ACSBG2: variants seen among roughly 807,000 people sequenced by gnomAD.
ACSBG2 encodes long-chain-fatty-acid--CoA ligase ACSBG2.
In ACSBG2, 62 loss-of-function variants were observed where a neutral mutation model predicts 74.7. The observed-to-expected ratio is 0.83, with a 90% confidence interval of 0.68 to 1.03. The LOEUF (loss-of-function observed/expected upper bound fraction) is 1.03, where lower values mean the gene tolerates loss of function less well. Ranked by LOEUF, ACSBG2 falls within the 50% of genes least tolerant of loss-of-function variation. ACSBG2 has a pLI of 0.00. For missense variants in ACSBG2, 730 were observed against 817.6 expected (o/e 0.89, Z 1.31); for synonymous variants, 309 against 294.1 (o/e 1.05, Z -0.52).
chr19:6,149,756 C>T (rs1361411745), intron 3 of ACSBG2, among the ~76,000 whole-genome samples: 1 of 151,998 alleles, frequency 6.6e-6, no homozygotes, highest in African/African-American at 2.4e-5. Flanking sequence ...GATCCACGTG[C>T]CTTGGCCTCC....
chr19:6,136,105 T>A (rs1464594094), intron 1 of ACSBG2, among the ~76,000 whole-genome samples, 196 bp downstream of exon 1: 7 of 144,054 alleles, frequency 4.9e-5, no homozygotes, highest in Non-Finnish European at 1.1e-4. Context: ...CATGTCCAGC[T>A]AATTTTTTTT....
chr19:6,162,870 G>C (rs1044139779), intron 6 of ACSBG2, among the ~76,000 whole-genome samples: 19 of 151,826 alleles, frequency 1.3e-4, no homozygotes, highest in South Asian at 4.1e-4. Flanking sequence ...ATACCCTGGT[G>C]GGGGGAGGGT....
intron 2 of ACSBG2, among the ~76,000 whole-genome samples, chr19:6,145,429 CA>C (rs34273390): frequency 0.7 from 88,615 of 127,280 alleles, 29,365 homozygotes; most frequent in Admixed American, 0.74. Context: ...GACTCCATCT[CA>C]AAAAAAAAAA....
rs755217926 is a variant in ACSBG2 at position 6,156,390 on chromosome 19, G to A, written c.387-41G>A. 6 of 1,554,878 alleles carry A rather than the reference G, an allele frequency of 3.9e-6. No individual in the cohort carries two copies. In the African/African-American group the frequency reaches 8.4e-5, roughly 22 times the overall value. ...CCTTCCAGACCATTCTGCCTTTAAG[G>A]TGTGTGTGGATGCACACACGAATTT... On this transcript the variant is annotated intron_variant, in intron 4 of 14. Transcript: ENST00000588485.
Position 6,147,556 on chromosome 19 carries a change from T to G in ACSBG2, c.178T>G (p.Ser60Ala), listed in dbSNP as rs1214479318. Residue 60 changes from serine (S) to alanine (A), a missense_variant, in exon 3 of 15, where the codon TCA becomes GCA. By Grantham distance (99) the Ser-to-Ala change is moderately conservative (BLOSUM62 1). Transcript: ENST00000588485. Reference sequence around the variant, plus strand: ...GACCATCCCTGAATTTTTTCGAGAGTCAGTCAACCGATTTGGAACTTATCC... The same window carrying G: ...GACCATCCCTGAATTTTTTCGAGAGGCAGTCAACCGATTTGGAACTTATCC... ...PMTIPEFFRE[S>A]VNRFGTYPAL... 1.9e-6 allele frequency: 3 copies of G among 1,613,808 alleles called. No individual in the cohort carries two copies. Among genetic ancestry groups the G allele is most frequent in the Non-Finnish European group, 2.5e-6 (3 of 1,180,002 alleles).
intron 3 of ACSBG2, among the ~76,000 whole-genome samples, chr19:6,149,943 A>AT (rs968458907): frequency 1.3e-5 from 2 of 151,308 alleles, no homozygotes; most frequent in South Asian, 2.1e-4. Context: ...CACGCCTGTA[A>AT]TTTTTTTTAA....
chr19:6,145,435 A>G (rs2088995378), intron 2 of ACSBG2, among the ~76,000 whole-genome samples: 1 of 151,802 alleles, frequency 6.6e-6, no homozygotes, highest in Non-Finnish European at 1.5e-5. Context: ...ATCTCAAAAA[A>G]AAAAAAAAAA....
intron 6 of ACSBG2, among the ~76,000 whole-genome samples, chr19:6,163,121 AAATAATAATAATAATAATAATAAT>A (rs71917482): frequency 8.1e-6 from 1 of 122,848 alleles, no homozygotes; most frequent in African/African-American, 2.9e-5. Context: ...CTAAAAATAC[AAATAATAATAATAATAATAATAAT>A]AATAATAATA....
chr19:6,180,307 A>G lies in ACSBG2; in HGVS notation c.907-2444A>G, dbSNP rs2090211686. On this transcript the variant is annotated intron_variant, in intron 8 of 14. Transcript: ENST00000588485. The surrounding 1 kb of genome is among the most constrained non-coding windows in gnomAD (Gnocchi z 4.3). Reference sequence around the variant, plus strand: ...TATTTTGCCTCCCACACTCTCCATCAAGCAGGCTAAATCTTAGGGCCTTTG... The same window carrying G: ...TATTTTGCCTCCCACACTCTCCATCGAGCAGGCTAAATCTTAGGGCCTTTG... 6.6e-6 allele frequency among the ~76,000 whole-genome samples: 1 copy of G among 152,128 alleles called. No homozygotes were observed. The highest frequency in any genetic ancestry group is 2.4e-5 in the African/African-American group (1 of 41,438).
In ACSBG2 at chr19:6,154,019, T is replaced by C. The variant is rs193082514; in HGVS notation, c.386+2224T>C. On this transcript the variant is annotated intron_variant, in intron 4 of 14. Transcript: ENST00000588485. ...TATTAACATTAGTTATATCTCATCA[T>C]CGAGACTAACACCACCCTAATATGT... Among the ~76,000 whole-genome samples the C allele has an allele frequency of 3.1e-3, 475 of 152,194 alleles. 4 individuals are homozygous for C. Among genetic ancestry groups the C allele is most frequent in the Non-Finnish European group, 4.6e-3 (313 of 68,022 alleles).
At chr19:6,186,300 G>C (rs1051080879) in intron 11 of ACSBG2, among the ~76,000 whole-genome samples, 1 of 152,322 alleles carries the variant, frequency 6.6e-6, no homozygotes, top group East Asian at 1.9e-4. Flanking sequence ...CACAAAAACA[G>C]CTGTTGACAA....
At chr19:6,164,632 C>T (rs1370630881) in intron 6 of ACSBG2, among the ~76,000 whole-genome samples, 2 of 152,134 alleles carry the variant, frequency 1.3e-5, no homozygotes, top group African/African-American at 4.8e-5. Flanking sequence ...GGGGTTTCAC[C>T]ATGCTGGCCA....
rs559984490 is a variant in ACSBG2 at position 6,158,522 on chromosome 19, G to A, written c.507+1971G>A. ...TTCCTACATGTTTGAATGAGCTGCA[G>A]TTTGCTGTATCAGCTTTTGGCAGGA... On this transcript the variant is annotated intron_variant, in intron 5 of 14. Transcript: ENST00000588485. Among the ~76,000 whole-genome samples, 14 of 151,106 alleles carry A rather than the reference G, an allele frequency of 9.3e-5. No homozygotes were observed. The South Asian group carries it at 2.7e-3, about 29-fold the overall frequency.
chr19:6,169,007 G>A (rs200748924), intron 7 of ACSBG2, among the ~76,000 whole-genome samples: 1 of 152,246 alleles, frequency 6.6e-6, no homozygotes, highest in South Asian at 2.1e-4. Context: ...TCGAACTCCT[G>A]ACTTCAAGTG....
intron 14 of ACSBG2, chr19:6,191,244 T>G (rs1296535684): frequency 6.6e-6 from 1 of 152,110 alleles, no homozygotes; most frequent in African/African-American, 2.4e-5. Context: ...TTGAGGTGTT[T>G]TTTTTTTTTT....
At chr19:6,175,057 C>T (rs188695949) in intron 7 of ACSBG2, among the ~76,000 whole-genome samples, 36 of 152,300 alleles carry the variant, frequency 2.4e-4, no homozygotes, top group Non-Finnish European at 4.0e-4. Flanking sequence ...GAACTGAGAT[C>T]TGAACCAGGA....
Position 6,180,103 on chromosome 19 carries a change from C to CCTCTCTGACTCTGACTCTGA in ACSBG2, c.907-2643_907-2642insTGACTCTGACTCTGACTCTC, listed in dbSNP as rs111675372. On this transcript the variant is annotated intron_variant, in intron 8 of 14. Transcript: ENST00000588485. The surrounding 1 kb of genome is among the most constrained non-coding windows in gnomAD (Gnocchi z 4.3). ...CACAGCCAGCAGTGCAGCCTCTTCC[C>CCTCTCTGACTCTGACTCTGA]CTCTCCTGCTTCCCTCTTATAAGGA... Among the ~76,000 whole-genome samples, 26 of 151,900 alleles carry CCTCTCTGACTCTGACTCTGA rather than the reference C, an allele frequency of 1.7e-4. No homozygotes were observed. The highest frequency in any genetic ancestry group is 6.3e-4 in the African/African-American group (26 of 41,256).
chr19:6,177,505 A>C, intron 8 of ACSBG2, 109 bp downstream of exon 8: 1 of 1,186,100 alleles, frequency 8.4e-7, no homozygotes, highest in Non-Finnish European at 1.2e-6. Flanking sequence ...CCCCATGTCT[A>C]ACGGTTTTAT....
At chr19:6,163,795 A>C (rs1054305017) in intron 6 of ACSBG2, among the ~76,000 whole-genome samples, 10 of 147,976 alleles carry the variant, frequency 6.8e-5, no homozygotes, top group East Asian at 3.9e-4. Context: ...AAAAAAAAAA[A>C]AAAAAACAGC....
Sources: allele counts gnomAD v4.1 joint callset (sites outside exome capture counted in the v4.1 genomes callset), GRCh38; gene constraint gnomAD v4.1.1; non-coding constraint Gnocchi (gnomAD v3.1); transcripts MANE v1.5; gene names NCBI Gene and HGNC (gene_info 2026-07-23, HGNC 2026-07-21).